Variants in ABCC4 observed in about 807,000 individuals in gnomAD.
ABCC4 encodes the protein ATP-binding cassette sub-family C member 4.
A neutral mutation model predicts 168.5 loss-of-function variants in ABCC4; 102 were observed. The ratio of observed to expected loss-of-function variants is 0.61; its 90% CI spans 0.52 to 0.71. The LOEUF (loss-of-function observed/expected upper bound fraction) is 0.71, where lower values mean the gene tolerates loss of function less well. Ranked by LOEUF, ABCC4 falls within the 30% of genes least tolerant of loss-of-function variation. The pLI, the probability that ABCC4 is intolerant of heterozygous loss-of-function variation, is 0.00. For synonymous variants in ABCC4, 617 were observed against 590.7 expected, an observed-to-expected ratio of 1.04 and a Z score of -0.65; for missense variants, 1,402 against 1,605.8, an observed-to-expected ratio of 0.87 and a Z score of 2.17.
chr13:95,240,223 C>A (rs184895331), intron 3 of ABCC4, among the ~76,000 whole-genome samples: 46 of 152,326 alleles, frequency 3.0e-4, no homozygotes, highest in Admixed American at 2.7e-3. Flanking sequence ...CCGTGCAGGG[C>A]AAACAACACG....
chr13:95,226,613 C>T lies in ABCC4; in HGVS notation c.531+7997G>A, dbSNP rs112517131. ...GAAAATGACAGCACTGAGATGTGAA[C>T]TCAGGTCTGACTGCTCTGAGTCCAT... On this transcript the variant is annotated intron_variant, in intron 4 of 30. Transcript: ENST00000645237. 7.5e-3 allele frequency among the ~76,000 whole-genome samples: 1,148 copies of T among 152,278 alleles called. 18 individuals carry two copies. The highest frequency in any genetic ancestry group is 0.026 in the African/African-American group (1,081 of 41,540).
chr13:95,134,346 CG>C (rs2036072011), intron 19 of ABCC4, among the ~76,000 whole-genome samples: 1 of 152,162 alleles, frequency 6.6e-6, no homozygotes, highest in African/African-American at 2.4e-5. Flanking sequence ...AAATACATAA[CG>C]GGATCAAGGG....
intron 1 of ABCC4, among the ~76,000 whole-genome samples, chr13:95,264,693 T>C (rs914474926): frequency 6.6e-6 from 1 of 152,136 alleles, no homozygotes; most frequent in Non-Finnish European, 1.5e-5. Flanking sequence ...GAGCGCTAAA[T>C]ACATTATAGG....
At position 95,150,580 on chromosome 13, in the gene ABCC4, G is replaced by A. The variant is rs562449246; in HGVS notation, c.2455+10609C>T. ...GATATGAAAGAGCTTCTATTTAAACGAGGAAGAAATTTCTCAAACATTAAT... is the reference window on the plus strand; with the variant it reads ...GATATGAAAGAGCTTCTATTTAAACAAGGAAGAAATTTCTCAAACATTAAT... On this transcript the variant is annotated intron_variant, in intron 19 of 30. Coordinates refer to ENST00000645237, the MANE Select transcript of ABCC4 (RefSeq NM_005845.5). Among the ~76,000 whole-genome samples, 7 of 151,880 alleles carry A rather than the reference G, an allele frequency of 4.6e-5. No individual in the cohort carries two copies. In the South Asian group the frequency reaches 8.3e-4, roughly 18 times the overall value.
chr13:95,230,087 A>T (rs1284544579), intron 4 of ABCC4, among the ~76,000 whole-genome samples: 1 of 152,268 alleles, frequency 6.6e-6, no homozygotes, highest in African/African-American at 2.4e-5. Context: ...AACATGAGCA[A>T]GTACAATGTT....
intron 20 of ABCC4, among the ~76,000 whole-genome samples, chr13:95,100,224 C>A (rs1678354): frequency 6.6e-6 from 1 of 151,992 alleles, no homozygotes; most frequent in Non-Finnish European, 1.5e-5. Context: ...AAGTTCTATG[C>A]TCTGCTGAAT....
chr13:95,100,359 A>G (rs1439541265), intron 20 of ABCC4, among the ~76,000 whole-genome samples: 1 of 152,230 alleles, frequency 6.6e-6, no homozygotes, highest in African/African-American at 2.4e-5. Context: ...ACTGGTTGCC[A>G]GCCTGGGAAG....
At position 95,188,501 on chromosome 13, in the gene ABCC4, G is replaced by A; in HGVS notation, c.1305C>T (p.Val435=). 1 of 1,614,138 alleles carries A rather than the reference G, an allele frequency of 6.2e-7. No individual in the cohort carries two copies. The change falls in exon 10 of 31, where the codon GTC becomes GTT. Residue 435 remains valine, a synonymous_variant. Transcript: ENST00000645237. ...TPTLQGLSFT[V]RPGELLAVVG... is the part of the protein sequence containing the mutation. ...CCACAGCTAACAATTCGCCAGGTCT[G>A]ACAGTAAAGGAAAGGCCTTGTAGAG...
chr13:95,212,992 T>C (rs958983594), intron 4 of ABCC4, among the ~76,000 whole-genome samples: 1 of 152,078 alleles, frequency 6.6e-6, no homozygotes, highest in Non-Finnish European at 1.5e-5. Flanking sequence ...CCAGGCATGA[T>C]GGCAGGTGCC....
intron 1 of ABCC4, among the ~76,000 whole-genome samples, chr13:95,271,761 G>A (rs904498907): frequency 6.6e-6 from 1 of 152,108 alleles, no homozygotes; most frequent in Non-Finnish European, 1.5e-5. Context: ...AGCACGCAGC[G>A]TGACATAGCT....
chr13:95,240,177 G>A (rs1202776035), intron 3 of ABCC4, among the ~76,000 whole-genome samples: 4 of 152,222 alleles, frequency 2.6e-5, no homozygotes, highest in Non-Finnish European at 5.9e-5. Context: ...GAGGGGAGGA[G>A]GGATATGCAA....
In ABCC4 at chr13:95,287,185, C is replaced by G. The variant is rs142080234; in HGVS notation, c.74+14056G>C. Among the ~76,000 whole-genome samples, 128 of 151,944 alleles carry G rather than the reference C, an allele frequency of 8.4e-4. 1 individual carries two copies. Among genetic ancestry groups the G allele is most frequent in the African/African-American group, 2.9e-3 (119 of 41,430 alleles). On this transcript the variant is annotated intron_variant, in intron 1 of 30. Coordinates refer to ENST00000645237, the MANE Select transcript of ABCC4 (RefSeq NM_005845.5). ...TGGTAGCACATGCCTATAGTTTCAGCTACCTGGGAGGCTGAGGCATGAGAA... is the reference window on the plus strand; with the variant it reads ...TGGTAGCACATGCCTATAGTTTCAGGTACCTGGGAGGCTGAGGCATGAGAA...
At chr13:95,039,449 T>C (rs1266874494) in intron 29 of ABCC4, among the ~76,000 whole-genome samples, 2 of 152,230 alleles carry the variant, frequency 1.3e-5, no homozygotes, top group Non-Finnish European at 2.9e-5. Flanking sequence ...TGTATCTTCA[T>C]ATCTTCTGTA....
At chr13:95,185,009 G>A (rs1265551971) in intron 11 of ABCC4, among the ~76,000 whole-genome samples, 1 of 152,214 alleles carries the variant, frequency 6.6e-6, no homozygotes, top group Non-Finnish European at 1.5e-5. Context: ...CTTCAGGGAA[G>A]CAGGGGACAG....
At position 95,162,833 on chromosome 13, in the gene ABCC4, C is replaced by T. The variant is rs541529940; in HGVS notation, c.2308+289G>A. Among the ~76,000 whole-genome samples, 38 of 152,280 alleles carry T rather than the reference C, an allele frequency of 2.5e-4. No individual in the cohort carries two copies. The Middle Eastern group carries it at 0.01, about 41-fold the overall frequency. On this transcript the variant is annotated intron_variant, in intron 18 of 30. Transcript: ENST00000645237. ...ATGATATAAGATTTAGCTAAAGCAA[C>T]CTATTAGAATAGACAATAGCCACAT...
intron 19 of ABCC4, among the ~76,000 whole-genome samples, chr13:95,123,667 G>A (rs938122772): frequency 1.3e-5 from 2 of 152,142 alleles, no homozygotes; most frequent in African/African-American, 4.8e-5. Context: ...AGCCCTCTCT[G>A]AGTGTCTTAT....
intron 19 of ABCC4, among the ~76,000 whole-genome samples, chr13:95,117,228 C>T (rs2035409156): frequency 6.6e-6 from 1 of 150,388 alleles, no homozygotes; most frequent in Admixed American, 6.7e-5. Context: ...GAGGGTTGTC[C>T]TAGGGATTAA....
At chr13:95,204,439 G>T (rs2038722993) in intron 8 of ABCC4, among the ~76,000 whole-genome samples, 1 of 152,126 alleles carries the variant, frequency 6.6e-6, no homozygotes, top group Non-Finnish European at 1.5e-5. Context: ...GGATCATGGG[G>T]GCAGTTTCCC....
intron 30 of ABCC4, among the ~76,000 whole-genome samples, chr13:95,031,249 T>G (rs2031863630): frequency 6.6e-6 from 1 of 152,236 alleles, no homozygotes; most frequent in East Asian, 1.9e-4. Flanking sequence ...CCTTATGTCT[T>G]TCTGTAGAGG....
Sources: allele counts gnomAD v4.1 joint callset (sites outside exome capture counted in the v4.1 genomes callset), GRCh38; gene constraint gnomAD v4.1.1; transcripts MANE v1.5; gene names NCBI Gene and HGNC (gene_info 2026-07-23, HGNC 2026-07-21).